EIPR1: variants seen among roughly 807,000 people sequenced by gnomAD.
The protein encoded by EIPR1 is EARP complex and GARP complex interacting protein 1, also known as EARP and GARP complex-interacting protein 1.
In EIPR1, 25 loss-of-function variants were observed where a neutral mutation model predicts 48.1. That is an observed-to-expected ratio of 0.52 (90% CI 0.38 to 0.73). EIPR1 has a LOEUF of 0.73. Among genes scored for constraint, EIPR1 ranks in the 30% least tolerant of loss-of-function variants. The pLI, the probability that EIPR1 is intolerant of heterozygous loss-of-function variation, is 0.00. For synonymous variants in EIPR1, 204 were observed against 201.9 expected (o/e 1.01, Z -0.09); for missense variants, 415 against 506.2 (o/e 0.82, Z 1.73).
intron 2 of EIPR1, among the ~76,000 whole-genome samples, chr2:3,347,964 G>A (rs767353317): frequency 7.9e-5 from 12 of 152,136 alleles, no homozygotes; most frequent in African/African-American, 1.4e-4. Flanking sequence ...CAGGAGCAGC[G>A]GGGAAGAAAT....
In EIPR1 at chr2:3,347,948, A is replaced by T. The variant is rs571931501; in HGVS notation, c.126+6602T>A. 2.6e-5 allele frequency among the ~76,000 whole-genome samples: 4 copies of T among 152,258 alleles called. No individual in the cohort carries two copies. In the South Asian group the frequency reaches 8.3e-4, roughly 32 times the overall value. On this transcript the variant is annotated intron_variant, in intron 2 of 8. Coordinates refer to ENST00000382125, the MANE Select transcript of EIPR1 (RefSeq NM_003310.5). ...AAGGAAGAGAGAAGGGTGAGGGAGG[A>T]AAGAGCAGGAGCAGCGGGGAAGAAA...
chr2:3,258,586 T>C lies in EIPR1; in HGVS notation c.260-1131A>G, dbSNP rs976379612. Among the ~76,000 whole-genome samples the C allele has an allele frequency of 5.9e-5, 9 of 152,302 alleles. No individual in the cohort carries two copies. The East Asian group carries it at 1.7e-3, about 29-fold the overall frequency. On this transcript the variant is annotated intron_variant, in intron 3 of 8. Transcript: ENST00000382125. Reference sequence around the variant, plus strand: ...AACGACCTTAGGTTACAATCGAAAATGTATCACTTACTGGTGATGATGCTC... The same window carrying C: ...AACGACCTTAGGTTACAATCGAAAACGTATCACTTACTGGTGATGATGCTC...
chr2:3,271,108 C>T (rs774052062), intron 3 of EIPR1, among the ~76,000 whole-genome samples: 34 of 152,182 alleles, frequency 2.2e-4, no homozygotes, highest in Admixed American at 7.9e-4. Flanking sequence ...CTCATCCATT[C>T]GAGATTGATC....
At chr2:3,229,644 A>G (rs1666175364) in intron 4 of EIPR1, among the ~76,000 whole-genome samples, 1 of 152,248 alleles carries the variant, frequency 6.6e-6, no homozygotes, top group Non-Finnish European at 1.5e-5. Flanking sequence ...TGCTTGTTTC[A>G]TAAGCAGTAT....
chr2:3,230,216 T>C (rs1666199134), intron 4 of EIPR1, among the ~76,000 whole-genome samples: 1 of 152,200 alleles, frequency 6.6e-6, no homozygotes, highest in African/African-American at 2.4e-5. Context: ...ATTGTCAGTA[T>C]ATAGCAATGC....
intron 3 of EIPR1, 38 bp downstream of exon 3, chr2:3,337,979 C>T (rs1670117143): frequency 6.4e-7 from 1 of 1,566,022 alleles, no homozygotes; most frequent in Admixed American, 2.1e-5. Context: ...CCTCCAGTTA[C>T]CTCCAGTTAG....
intron 4 of EIPR1, among the ~76,000 whole-genome samples, chr2:3,232,317 G>T (rs1167506298): frequency 6.6e-6 from 1 of 152,078 alleles, no homozygotes; most frequent in Non-Finnish European, 1.5e-5. Flanking sequence ...TCTGCTCTGG[G>T]TTTTGTTATT....
chr2:3,205,932 T>C (rs1347045221), intron 5 of EIPR1, among the ~76,000 whole-genome samples: 5 of 152,228 alleles, frequency 3.3e-5, no homozygotes, highest in Non-Finnish European at 5.9e-5. Flanking sequence ...AACATGTTTT[T>C]CTTCATCTTT....
At chr2:3,211,261 C>A (rs372079241) in intron 5 of EIPR1, among the ~76,000 whole-genome samples, 1 of 137,760 alleles carries the variant, frequency 7.3e-6, no homozygotes, top group South Asian at 2.6e-4. Context: ...TGAAGTTCTC[C>A]ACTTTAACAC....
chr2:3,338,714 C>G (rs529304332), intron 2 of EIPR1, among the ~76,000 whole-genome samples: 32 of 152,300 alleles, frequency 2.1e-4, no homozygotes, highest in Admixed American at 4.6e-4. Context: ...AAAAACAAGT[C>G]CAACAGCCGT....
At chr2:3,355,837 AAAATG>A (rs983514644) in intron 1 of EIPR1, among the ~76,000 whole-genome samples, 6 of 131,346 alleles carry the variant, frequency 4.6e-5, no homozygotes, top group Admixed American at 2.4e-4. Flanking sequence ...AAAATAAAAT[AAAATG>A]AATAAATAAT....
chr2:3,263,925 A>C (rs761947626), intron 3 of EIPR1, among the ~76,000 whole-genome samples: 3 of 152,214 alleles, frequency 2.0e-5, no homozygotes, highest in African/African-American at 7.2e-5. Flanking sequence ...AGTCAAGCCA[A>C]TTCATATTTG....
chr2:3,239,539 A>G (rs963967335), intron 4 of EIPR1, among the ~76,000 whole-genome samples: 17 of 152,226 alleles, frequency 1.1e-4, no homozygotes, highest in African/African-American at 4.1e-4. Flanking sequence ...TCTGCTCTGC[A>G]TGGACATCCC....
chr2:3,235,306 G>T (rs879936262), intron 4 of EIPR1, among the ~76,000 whole-genome samples: 1 of 152,242 alleles, frequency 6.6e-6, no homozygotes, highest in Admixed American at 6.5e-5. Context: ...CCTCTTCTTG[G>T]CCTCAACCGG....
intron 1 of EIPR1, among the ~76,000 whole-genome samples, chr2:3,369,775 G>C (rs900250297): frequency 1.3e-5 from 2 of 152,234 alleles, no homozygotes; most frequent in Admixed American, 6.5e-5. Context: ...AAGGAGGCCT[G>C]CCTGCCTCTG....
At chr2:3,341,731 G>A (rs914481642) in intron 2 of EIPR1, among the ~76,000 whole-genome samples, 1 of 152,056 alleles carries the variant, frequency 6.6e-6, no homozygotes, top group African/African-American at 2.4e-5. Context: ...GGGTATGGGT[G>A]TGTGGGGGGT....
intron 5 of EIPR1, among the ~76,000 whole-genome samples, chr2:3,209,859 G>T (rs1665380877): frequency 6.6e-6 from 1 of 152,180 alleles, no homozygotes. Flanking sequence ...CTTGCCAGGG[G>T]CTTGGAGAGA....
At position 3,223,255 on chromosome 2, in the gene EIPR1, G is replaced by A. The variant is rs72763767; in HGVS notation, c.417-9007C>T. ...CGGAGTTGACTGATCCACAAAGGTC[G>A]CTGGGACTTTCCCTGGTCCTTTCCC... On this transcript the variant is annotated intron_variant, in intron 4 of 8. Coordinates refer to ENST00000382125, the MANE Select transcript of EIPR1 (RefSeq NM_003310.5). Among the ~76,000 whole-genome samples the A allele has an allele frequency of 4.5e-3, 683 of 152,268 alleles. 3 individuals are homozygous for A. The highest frequency in any genetic ancestry group is 7.8e-3 in the Non-Finnish European group (529 of 68,018).
intron 4 of EIPR1, among the ~76,000 whole-genome samples, chr2:3,239,114 C>A (rs891680852): frequency 6.6e-6 from 1 of 152,226 alleles, no homozygotes; most frequent in Non-Finnish European, 1.5e-5. Flanking sequence ...CGGCCGCCTG[C>A]ACAGCAGACC....
Sources: gnomAD v4.1 joint callset for allele counts (sites outside exome capture counted in the v4.1 genomes callset) on GRCh38, gnomAD v4.1.1 for gene constraint, MANE v1.5 for transcripts, NCBI Gene and HGNC (gene_info 2026-07-23, HGNC 2026-07-21) for gene names.